PHLPP1: variants seen among roughly 807,000 people sequenced by gnomAD.
PHLPP1 encodes PH domain and leucine rich repeat protein phosphatase 1, also known as PH domain leucine-rich repeat-containing protein phosphatase 1.
A neutral mutation model predicts 117.2 loss-of-function variants in PHLPP1; 42 were observed. The ratio of observed to expected loss-of-function variants is 0.36; its 90% confidence interval spans 0.28 to 0.46. The LOEUF (loss-of-function observed/expected upper bound fraction) is 0.46, where lower values mean the gene tolerates loss of function less well. PHLPP1 is among the 20% of genes least tolerant of loss of function. PHLPP1 has a pLI of 1.00. For missense variants in PHLPP1, 2,084 were observed against 2,241.9 expected (o/e 0.93, Z 1.42); for synonymous variants, 1,042 against 970.7 (o/e 1.07, Z -1.37).
At chr18:62,938,783 T>C (rs1234479457) in intron 10 of PHLPP1, among the ~76,000 whole-genome samples, 1 of 152,212 alleles carries the variant, frequency 6.6e-6, no homozygotes, top group African/African-American at 2.4e-5. Flanking sequence ...CTTTCTTCCC[T>C]TTATTCAGAT....
At chr18:62,862,844 T>C (rs1328210317) in intron 4 of PHLPP1, among the ~76,000 whole-genome samples, 1 of 152,180 alleles carries the variant, frequency 6.6e-6, no homozygotes, top group East Asian at 1.9e-4. Context: ...AAACTGGCAT[T>C]ACAATTTTTT....
chr18:62,716,571 C>T lies in PHLPP1; in HGVS notation c.888C>T (p.Arg296=), dbSNP rs1260849725. ...CGGGTGCCTTCGGGGGGCCTCCGCG[C>T]GCGCCCCCCGCCGACCTACCCCTGC... The part of the protein sequence containing the change: ...SAPGAFGGPP[R]APPADLPLPV... Residue 296 remains arginine (R), a synonymous_variant, in exon 1 of 17, where the codon CGC becomes CGT. Transcript: ENST00000262719. This position sits in a 1 kb window ranked among gnomAD's most constrained non-coding sequence, Gnocchi z 5.7. 1 of 1,203,096 alleles carries T rather than the reference C, an allele frequency of 8.3e-7. No homozygotes were observed. Among genetic ancestry groups the T allele is most frequent in the Non-Finnish European group, 1.0e-6 (1 of 969,926 alleles). 74.5% of individuals were successfully genotyped at this position (1,203,096 alleles called of 1,614,324 possible).
chr18:62,753,995 G>T (rs1047159792), intron 1 of PHLPP1, among the ~76,000 whole-genome samples: 1 of 152,166 alleles, frequency 6.6e-6, no homozygotes, highest in South Asian at 2.1e-4. Flanking sequence ...AATAAAGGCT[G>T]TGTGGTGAAA....
intron 10 of PHLPP1, among the ~76,000 whole-genome samples, chr18:62,922,426 C>T (rs888584965): frequency 6.6e-6 from 1 of 152,160 alleles, no homozygotes; most frequent in Non-Finnish European, 1.5e-5. Context: ...CATGAGCCAC[C>T]GCACCAGGCT....
At chr18:62,926,614 C>T (rs1235805599) in intron 10 of PHLPP1, among the ~76,000 whole-genome samples, 3 of 152,134 alleles carry the variant, frequency 2.0e-5, no homozygotes, top group African/African-American at 7.2e-5. Context: ...TGATTCTCAA[C>T]TCTGCCAGCC....
chr18:62,959,667 G>A (rs1407089036), intron 13 of PHLPP1, among the ~76,000 whole-genome samples: 1 of 152,082 alleles, frequency 6.6e-6, no homozygotes, highest in East Asian at 1.9e-4. Flanking sequence ...ATTTGTTGCC[G>A]AAAGTCATCT....
At chr18:62,928,811 C>G (rs1293733915) in intron 10 of PHLPP1, among the ~76,000 whole-genome samples, 1 of 152,164 alleles carries the variant, frequency 6.6e-6, no homozygotes, top group East Asian at 1.9e-4. Flanking sequence ...GAATATTATT[C>G]ACCAGTAAAA....
At chr18:62,805,718 T>G (rs2144305888) in intron 1 of PHLPP1, among the ~76,000 whole-genome samples, 1 of 152,236 alleles carries the variant, frequency 6.6e-6, no homozygotes, top group Admixed American at 6.5e-5. Flanking sequence ...TTTAATGTAT[T>G]CTGTGTCTGT....
At chr18:62,970,545 G>A (rs12960508) in intron 14 of PHLPP1, among the ~76,000 whole-genome samples, 1 of 151,964 alleles carries the variant, frequency 6.6e-6, no homozygotes, top group Admixed American at 6.6e-5. Context: ...CGGGCGGATC[G>A]CTCGAGATCA....
At chr18:62,777,938 G>A (rs536943111) in intron 1 of PHLPP1, among the ~76,000 whole-genome samples, 6 of 151,940 alleles carry the variant, frequency 3.9e-5, no homozygotes, top group East Asian at 1.9e-4. Context: ...CCAATCATTC[G>A]TGTTACTACC....
chr18:62,877,916 A>G (rs1016675692), intron 4 of PHLPP1, among the ~76,000 whole-genome samples: 19 of 152,230 alleles, frequency 1.2e-4, no homozygotes, highest in Non-Finnish European at 2.9e-5. Flanking sequence ...CAGCCAGGCT[A>G]TATTAAATTA....
At chr18:62,731,068 T>G (rs1210598005) in intron 1 of PHLPP1, among the ~76,000 whole-genome samples, 2 of 152,224 alleles carry the variant, frequency 1.3e-5, no homozygotes, top group Non-Finnish European at 2.9e-5. Context: ...TTGCAGATAT[T>G]GCATTTCTTA....
At chr18:62,741,325 A>G (rs1289485733) in intron 1 of PHLPP1, among the ~76,000 whole-genome samples, 2 of 152,204 alleles carry the variant, frequency 1.3e-5, no homozygotes, top group Non-Finnish European at 2.9e-5. Flanking sequence ...GTCACTGATT[A>G]GTGGTAACAG....
intron 1 of PHLPP1, among the ~76,000 whole-genome samples, chr18:62,790,597 T>C (rs545512602): frequency 6.6e-6 from 1 of 152,280 alleles, no homozygotes; most frequent in Admixed American, 6.5e-5. Context: ...TATATTAATA[T>C]TATTGTTAGC....
At chr18:62,883,933 T>C (rs1252206169) in intron 4 of PHLPP1, among the ~76,000 whole-genome samples, 2 of 152,226 alleles carry the variant, frequency 1.3e-5, no homozygotes, top group African/African-American at 4.8e-5. Context: ...GATTTCAGAA[T>C]TAAGGATAAG....
At chr18:62,936,691 T>C (rs1909979052) in intron 10 of PHLPP1, among the ~76,000 whole-genome samples, 1 of 152,198 alleles carries the variant, frequency 6.6e-6, no homozygotes, top group Non-Finnish European at 1.5e-5. Flanking sequence ...GACCTTACTC[T>C]AATGATGATG....
chr18:62,932,690 C>T (rs1299579748), intron 10 of PHLPP1, among the ~76,000 whole-genome samples: 1 of 152,142 alleles, frequency 6.6e-6, no homozygotes, highest in Non-Finnish European at 1.5e-5. Flanking sequence ...GAAAGTGTTC[C>T]CCCTAACACT....
chr18:62,787,695 A>G (rs1913334718), intron 1 of PHLPP1, among the ~76,000 whole-genome samples: 1 of 152,152 alleles, frequency 6.6e-6, no homozygotes, highest in Admixed American at 6.5e-5. Context: ...ATTTAGTTTA[A>G]TTTTCACAGA....
chr18:62,913,673 GT>G (rs1186727070), intron 8 of PHLPP1, among the ~76,000 whole-genome samples: 1 of 148,342 alleles, frequency 6.7e-6, no homozygotes, highest in Non-Finnish European at 1.5e-5. Flanking sequence ...AAATAGAGTA[GT>G]TTATCTAAGT....
Sources: allele counts gnomAD v4.1 joint callset (sites outside exome capture counted in the v4.1 genomes callset), GRCh38; gene constraint gnomAD v4.1.1; non-coding constraint Gnocchi (gnomAD v3.1); transcripts MANE v1.5; gene names NCBI Gene and HGNC (gene_info 2026-07-23, HGNC 2026-07-21).